The following EYS variants were observed in gnomAD, a reference collection of about 807,000 sequenced individuals.
The protein encoded by EYS is protein eyes shut homolog.
EYS carries 250 observed loss-of-function variants against 282.1 expected under a neutral mutation model. That is an observed-to-expected ratio of 0.89 (90% confidence interval 0.80 to 0.98). The LOEUF is 0.98. Among genes scored for constraint, EYS ranks in the 50% least tolerant of loss-of-function variants. EYS has a pLI of 0.00. For missense variants in EYS, 4,016 were observed against 3,709.0 expected (o/e 1.08, Z -2.15); for synonymous variants, 1,355 against 1,282.9 (o/e 1.06, Z -1.20).
chr6:65,399,739 TCAAA>T lies in EYS; in HGVS notation c.1184+2735_1184+2738del, dbSNP rs537805663. Reference sequence around the variant, plus strand: ...CAGTTGTAAATAACATAATCCTAACTCAAACAGACTAAACCAATGCAGGGAATTA... The same window carrying T: ...CAGTTGTAAATAACATAATCCTAACTCAGACTAAACCAATGCAGGGAATTA... On this transcript the variant is annotated intron_variant, in intron 7 of 42. Coordinates refer to ENST00000503581, the MANE Select transcript of EYS (RefSeq NM_001142800.2). 3.6e-3 allele frequency among the ~76,000 whole-genome samples: 542 copies of T among 152,140 alleles called. 2 individuals carry two copies. Among genetic ancestry groups the T allele is most frequent in the Middle Eastern group, 0.01 (3 of 294 alleles).
intron 8 of EYS, among the ~76,000 whole-genome samples, chr6:65,357,852 C>G (rs1764553531): frequency 6.8e-6 from 1 of 146,166 alleles, no homozygotes; most frequent in Admixed American, 7.0e-5. Context: ...TCATTGCTTG[C>G]TAAAACACTA....
At chr6:64,667,178 T>C (rs1583018476) in intron 22 of EYS, among the ~76,000 whole-genome samples, 1 of 148,750 alleles carries the variant, frequency 6.7e-6, no homozygotes, top group South Asian at 2.1e-4. Flanking sequence ...AAATATTTAA[T>C]AATATTTATA....
chr6:64,451,011 C>T (rs1775313907), intron 26 of EYS, among the ~76,000 whole-genome samples: 1 of 152,000 alleles, frequency 6.6e-6, no homozygotes, highest in African/African-American at 2.4e-5. Context: ...TAAGATCGAG[C>T]AGAACTGAAG....
intron 35 of EYS, among the ~76,000 whole-genome samples, chr6:63,898,422 CG>C (rs1341800319): frequency 1.3e-5 from 2 of 151,932 alleles, no homozygotes; most frequent in African/African-American, 4.8e-5. Flanking sequence ...ACCCGGGAGG[CG>C]GAGGTTGCTG....
intron 35 of EYS, among the ~76,000 whole-genome samples, chr6:63,983,946 T>TA (rs2149791906): frequency 6.6e-6 from 1 of 151,850 alleles, no homozygotes; most frequent in East Asian, 1.9e-4. Flanking sequence ...ATTTTGTTTT[T>TA]ACCTCTAACC....
intron 29 of EYS, among the ~76,000 whole-genome samples, chr6:64,318,499 C>T (rs1053233157): frequency 6.6e-6 from 1 of 151,918 alleles, no homozygotes; most frequent in African/African-American, 2.4e-5. Context: ...AATACAAACA[C>T]ATCACAATTT....
chr6:64,138,087 GCTAGCGAGTGTCGATTGGATTGACCATTC>G (rs1774222205), intron 31 of EYS, among the ~76,000 whole-genome samples: 1 of 152,124 alleles, frequency 6.6e-6, no homozygotes, highest in African/African-American at 2.4e-5. Flanking sequence ...CAAGAAAAAG[GCTAGCGAGTGTCGATTGGATTGACCATTC>G]CTAAACTCAA....
At chr6:64,149,379 T>C (rs1008399776) in intron 31 of EYS, among the ~76,000 whole-genome samples, 2 of 152,206 alleles carry the variant, frequency 1.3e-5, no homozygotes, top group Non-Finnish European at 2.9e-5. Context: ...AGAGACGCGA[T>C]GAAGAGGCTC....
chr6:64,290,655 G>A (rs1235644215), intron 30 of EYS, among the ~76,000 whole-genome samples: 1 of 151,848 alleles, frequency 6.6e-6, no homozygotes, highest in Non-Finnish European at 1.5e-5. Context: ...TTGGTGGGGG[G>A]CTTAGAGTCC....
At chr6:64,682,309 A>G (rs1312471158) in intron 22 of EYS, among the ~76,000 whole-genome samples, 3 of 152,036 alleles carry the variant, frequency 2.0e-5, no homozygotes, top group Admixed American at 2.0e-4. Context: ...TGGAGTTTGC[A>G]GTGAGCCGAA....
chr6:65,498,005 T>A (rs1382317271), intron 2 of EYS, among the ~76,000 whole-genome samples: 30 of 152,004 alleles, frequency 2.0e-4, no homozygotes, highest in Admixed American at 2.0e-3. Context: ...TAATGAAGAC[T>A]AATTAGTACA....
intron 22 of EYS, among the ~76,000 whole-genome samples, chr6:64,713,600 G>A (rs1385295356): frequency 6.6e-6 from 1 of 152,048 alleles, no homozygotes; most frequent in Non-Finnish European, 1.5e-5. Flanking sequence ...AGGGAGTATA[G>A]GGGACTTAGA....
At chr6:64,876,245 A>C (rs907360257) in intron 19 of EYS, among the ~76,000 whole-genome samples, 9 of 152,074 alleles carry the variant, frequency 5.9e-5, no homozygotes, top group Admixed American at 1.3e-4. Context: ...AATTATCTAG[A>C]TTGTTTGCCA....
chr6:64,815,580 T>C (rs1386253885), intron 21 of EYS, among the ~76,000 whole-genome samples: 1 of 152,094 alleles, frequency 6.6e-6, no homozygotes, highest in African/African-American at 2.4e-5. Context: ...TCTTTCCTGG[T>C]TTAAAAATTT....
At chr6:64,187,617 AC>A (rs1026725994) in intron 31 of EYS, among the ~76,000 whole-genome samples, 1 of 152,118 alleles carries the variant, frequency 6.6e-6, no homozygotes, top group African/African-American at 2.4e-5. Context: ...TTTTCTACCT[AC>A]CCAACAGAAT....
chr6:64,268,373 T>A (rs1391889394), intron 30 of EYS, among the ~76,000 whole-genome samples: 2 of 152,124 alleles, frequency 1.3e-5, no homozygotes, highest in African/African-American at 4.8e-5. Flanking sequence ...TTTTGGGGAA[T>A]AGAGATAGAG....
chr6:64,719,949 C>A (rs899642600), intron 22 of EYS, among the ~76,000 whole-genome samples: 1 of 152,094 alleles, frequency 6.6e-6, no homozygotes, highest in African/African-American at 2.4e-5. Flanking sequence ...GTTAGAAAGA[C>A]CATAAAAGGT....
chr6:63,832,505 C>G (rs1320932148), intron 36 of EYS, among the ~76,000 whole-genome samples: 1 of 151,980 alleles, frequency 6.6e-6, no homozygotes, highest in Non-Finnish European at 1.5e-5. Flanking sequence ...ACCCTCCCAA[C>G]ACTAAACCAG....
intron 29 of EYS, among the ~76,000 whole-genome samples, chr6:64,338,568 A>G (rs1276375353): frequency 6.6e-6 from 1 of 152,048 alleles, no homozygotes; most frequent in African/African-American, 2.4e-5. Context: ...GCTAAAGGCA[A>G]TCTACAAATT....
Sources: gnomAD v4.1 joint callset for allele counts (sites outside exome capture counted in the v4.1 genomes callset) on GRCh38, gnomAD v4.1.1 for gene constraint, MANE v1.5 for transcripts, NCBI Gene and HGNC (gene_info 2026-07-23, HGNC 2026-07-21) for gene names.